The following TASP1 variants were observed in gnomAD, a reference collection of about 807,000 sequenced individuals.
TASP1 encodes taspase 1, also known as threonine aspartase 1.
In TASP1, 16 loss-of-function variants were observed where a neutral mutation model predicts 56.6. The observed-to-expected ratio is 0.28, with a 90% CI of 0.19 to 0.43. The LOEUF is 0.43. Ranked by LOEUF, TASP1 falls within the 20% of genes least tolerant of loss-of-function variation. The pLI is 1.00. For synonymous variants in TASP1, 179 were observed against 184.2 expected (o/e 0.97, Z 0.23); for missense variants, 393 against 511.6 (o/e 0.77, Z 2.24).
chr20:13,272,952 A>C, the TASP1 span, among the ~76,000 whole-genome samples: 3 of 152,344 alleles, frequency 2.0e-5, no homozygotes, highest in African/African-American at 7.2e-5. Flanking sequence ...AGAGGTGGGA[A>C]TGTCACTTGG....
intron 8 of TASP1, among the ~76,000 whole-genome samples, chr20:13,547,690 A>T (rs1336816651): frequency 6.6e-6 from 1 of 152,134 alleles, no homozygotes; most frequent in African/African-American, 2.4e-5. Flanking sequence ...AACGGAATAG[A>T]GCAGGACTAG....
At chr20:13,413,531 T>C (rs962474165) in intron 13 of TASP1, among the ~76,000 whole-genome samples, 1 of 152,164 alleles carries the variant, frequency 6.6e-6, no homozygotes, top group South Asian at 2.1e-4. Flanking sequence ...GGATGTGTTA[T>C]CTGAATTTTG....
At chr20:13,253,873 ATATATG>A in the TASP1 span, among the ~76,000 whole-genome samples, 28,500 of 151,512 alleles carry the variant, frequency 0.19, 2,764 homozygotes, top group East Asian at 0.25. Context: ...ATATATATAT[ATATATG>A]TGTGTGTGTA....
At chr20:13,228,590 A>C in the TASP1 span, among the ~76,000 whole-genome samples, 1 of 151,686 alleles carries the variant, frequency 6.6e-6, no homozygotes, top group Non-Finnish European at 1.5e-5. Flanking sequence ...CTTTATTTTA[A>C]TGTTCGGAAA....
chr20:13,221,685 C>T, the TASP1 span: 6 of 1,109,686 alleles, frequency 5.4e-6, no homozygotes, highest in Non-Finnish European at 5.7e-6. Flanking sequence ...GCCGCGCTGC[C>T]GGGCTCCCGG....
At chr20:13,193,601 C>A in the TASP1 span, among the ~76,000 whole-genome samples, 1 of 152,184 alleles carries the variant, frequency 6.6e-6, no homozygotes, top group Non-Finnish European at 1.5e-5. Flanking sequence ...TGTATAAACA[C>A]TGGTTTAAAC....
At chr20:13,535,846 G>A (rs924915166) in intron 8 of TASP1, among the ~76,000 whole-genome samples, 4 of 152,120 alleles carry the variant, frequency 2.6e-5, no homozygotes, top group South Asian at 4.1e-4. Context: ...AGATGCTGCC[G>A]CTATCTTAGG....
the TASP1 span, among the ~76,000 whole-genome samples, chr20:13,258,118 G>A: frequency 4.6e-5 from 7 of 152,074 alleles, no homozygotes; most frequent in Admixed American, 3.3e-4. Flanking sequence ...GCATACCTGT[G>A]TCCCCCAAAC....
intron 13 of TASP1, among the ~76,000 whole-genome samples, chr20:13,403,235 T>A (rs998839008): frequency 6.6e-6 from 1 of 151,940 alleles, no homozygotes; most frequent in Non-Finnish European, 1.5e-5. Context: ...TAACATTAAC[T>A]TGCAAGTTAG....
At chr20:13,121,001 G>A in the TASP1 span, among the ~76,000 whole-genome samples, 3 of 152,216 alleles carry the variant, frequency 2.0e-5, no homozygotes, top group East Asian at 1.9e-4. Flanking sequence ...TCAGAGCTCC[G>A]TGCCATGAAT....
the TASP1 span, among the ~76,000 whole-genome samples, chr20:13,371,452 G>T: frequency 6.8e-6 from 1 of 147,162 alleles, no homozygotes; most frequent in African/African-American, 2.4e-5. Flanking sequence ...ATTTACACAT[G>T]TTCGTGAATT....
chr20:13,228,973 C>T, the TASP1 span, among the ~76,000 whole-genome samples: 1 of 152,160 alleles, frequency 6.6e-6, no homozygotes, highest in Admixed American at 6.6e-5. Flanking sequence ...AACTCAACCA[C>T]TCTGAAACCC....
At chr20:13,520,268 AC>A (rs1418086162) in intron 10 of TASP1, among the ~76,000 whole-genome samples, 2 of 151,746 alleles carry the variant, frequency 1.3e-5, no homozygotes, top group Non-Finnish European at 3.0e-5. Context: ...ATTGGAAAAA[AC>A]TACTTTAAAG....
intron 4 of TASP1, among the ~76,000 whole-genome samples, chr20:13,613,028 G>A (rs778319510): frequency 1.3e-5 from 2 of 152,056 alleles, no homozygotes; most frequent in Non-Finnish European, 2.9e-5. Flanking sequence ...TGGAAAAAAT[G>A]CTCAATGAAA....
chr20:13,484,579 A>G (rs1172115497), intron 10 of TASP1, among the ~76,000 whole-genome samples: 2 of 152,048 alleles, frequency 1.3e-5, no homozygotes, highest in African/African-American at 4.8e-5. Context: ...CTACTAAAAA[A>G]TACAAAAATT....
the TASP1 span, chr20:13,221,784 G>T: frequency 2.1e-6 from 3 of 1,448,780 alleles, no homozygotes; most frequent in Non-Finnish European, 2.7e-6. Context: ...AGGATGGTGC[G>T]CCTGGCGGCC....
At chr20:13,124,936 A>T in the TASP1 span, among the ~76,000 whole-genome samples, 5 of 152,354 alleles carry the variant, frequency 3.3e-5, no homozygotes, top group African/African-American at 1.2e-4. Flanking sequence ...ATGAGGAAGG[A>T]AGACATAGCG....
At chr20:13,169,242 A>G in the TASP1 span, 1 of 152,146 alleles carries the variant, frequency 6.6e-6, no homozygotes, top group African/African-American at 2.4e-5. Context: ...AATTGTGCAC[A>G]TTTCTTTCTA....
the TASP1 span, among the ~76,000 whole-genome samples, chr20:13,374,586 G>C: frequency 6.6e-6 from 1 of 152,070 alleles, no homozygotes; most frequent in Admixed American, 6.6e-5. Flanking sequence ...CTGACCTTGT[G>C]ATCTGCCCGC....
Sources: allele counts gnomAD v4.1 joint callset (sites outside exome capture counted in the v4.1 genomes callset), GRCh38; gene constraint gnomAD v4.1.1; transcripts MANE v1.5; gene names NCBI Gene and HGNC (gene_info 2026-07-23, HGNC 2026-07-21).